INPP5F: variants seen among roughly 807,000 people sequenced by gnomAD.
The protein encoded by INPP5F is phosphatidylinositide 4-phosphatase SAC2.
INPP5F carries 97 observed loss-of-function variants against 137.2 expected under a neutral mutation model. That is an observed-to-expected ratio of 0.71 (90% confidence interval 0.60 to 0.84). INPP5F has a LOEUF of 0.84. Ranked by LOEUF, INPP5F falls within the 40% of genes least tolerant of loss-of-function variation. INPP5F has a pLI of 0.00. For synonymous variants in INPP5F, 504 were observed against 476.9 expected, an observed-to-expected ratio of 1.06 and a Z score of -0.74; for missense variants, 1,271 against 1,371.9, an observed-to-expected ratio of 0.93 and a Z score of 1.16.
At chr10:119,733,920 G>T (rs186303650) in intron 1 of INPP5F, among the ~76,000 whole-genome samples, 34 of 152,260 alleles carry the variant, frequency 2.2e-4, no homozygotes, top group Admixed American at 2.0e-3. Flanking sequence ...TGTGAAAGTT[G>T]TACTGAATGA....
chr10:119,734,602 C>T (rs1848170736), intron 1 of INPP5F, among the ~76,000 whole-genome samples: 1 of 152,146 alleles, frequency 6.6e-6, no homozygotes, highest in South Asian at 2.1e-4. Context: ...CCAAAGTTCT[C>T]AGATTACAGG....
chr10:119,759,112 C>G (rs1016484283), intron 2 of INPP5F, among the ~76,000 whole-genome samples: 1 of 152,184 alleles, frequency 6.6e-6, no homozygotes, highest in African/African-American at 2.4e-5. Context: ...ATGGGACAAG[C>G]CTTTTAGTTA....
At chr10:119,773,181 T>C (rs1849420265) in intron 2 of INPP5F, among the ~76,000 whole-genome samples, 1 of 152,158 alleles carries the variant, frequency 6.6e-6, no homozygotes, top group Non-Finnish European at 1.5e-5. Context: ...GTCAGCCTCC[T>C]GAGTAGCTGG....
chr10:119,815,202 G>C (rs1851219265), intron 15 of INPP5F: 1 of 152,306 alleles, frequency 6.6e-6, no homozygotes, highest in Non-Finnish European at 1.5e-5. Flanking sequence ...CTTCCACTGG[G>C]GGCCTCTAAG....
intron 2 of INPP5F, among the ~76,000 whole-genome samples, chr10:119,765,526 G>A (rs1849130705): frequency 6.7e-6 from 1 of 150,262 alleles, no homozygotes; most frequent in South Asian, 2.1e-4. Context: ...TGCACGCCAT[G>A]ATACCTGGCT....
At chr10:119,774,809 A>G (rs2134167671) in intron 2 of INPP5F, among the ~76,000 whole-genome samples, 1 of 152,148 alleles carries the variant, frequency 6.6e-6, no homozygotes, top group African/African-American at 2.4e-5. Context: ...GGTCTGAAAA[A>G]CTGCTAAATA....
chr10:119,761,676 A>G (rs1024739740), intron 2 of INPP5F, among the ~76,000 whole-genome samples: 11 of 152,128 alleles, frequency 7.2e-5, no homozygotes, highest in African/African-American at 2.7e-4. Context: ...ATTTAAATTC[A>G]TGCATAAATG....
intron 1 of INPP5F, among the ~76,000 whole-genome samples, chr10:119,750,560 G>A (rs1848663078): frequency 6.6e-6 from 1 of 152,222 alleles, no homozygotes; most frequent in Non-Finnish European, 1.5e-5. Flanking sequence ...GCACGTAGAA[G>A]GCACTCAAAC....
chr10:119,827,663 CTT>C lies in INPP5F; in HGVS notation c.3284_3285del (p.Phe1095CysfsTer13), dbSNP rs752869206. On this transcript the variant is annotated frameshift_variant, in exon 20 of 20. Transcript: ENST00000650623. LOFTEE classifies it high-confidence loss of function. ...AAGCTGGATTAACCCATGGGATAAACTTTGCAGTGTCAAAAGTTCAGAAGAGT... is the reference window on the plus strand; with the variant it reads ...AAGCTGGATTAACCCATGGGATAAACTGCAGTGTCAAAAGTTCAGAAGAGT... ...TQAGLTHGIN[F>X]AVSKVQKSPP... The C allele has an allele frequency of 6.2e-7, 1 of 1,614,180 alleles. No homozygotes were observed. Among genetic ancestry groups the C allele is most frequent in the South Asian group, 1.1e-5 (1 of 91,088 alleles).
At position 119,783,548 on chromosome 10, in the gene INPP5F, A is replaced by C. The variant is rs144505739; in HGVS notation, c.315+1777A>C. On this transcript the variant is annotated intron_variant, in intron 3 of 19. Coordinates refer to ENST00000650623, the MANE Select transcript of INPP5F (RefSeq NM_014937.4). ...TCAGGGAGGTGTTCTGATGTCCTTC[A>C]TGGCCACCAATCTGTAACATTTTTG... 5.6e-3 allele frequency among the ~76,000 whole-genome samples: 858 copies of C among 152,314 alleles called. 12 individuals carry two copies. Among genetic ancestry groups the C allele is most frequent in the African/African-American group, 0.02 (831 of 41,562 alleles).
chr10:119,736,300 G>A (rs939863976), intron 1 of INPP5F, among the ~76,000 whole-genome samples: 7 of 152,174 alleles, frequency 4.6e-5, no homozygotes, highest in African/African-American at 1.7e-4. Context: ...TGTAATTTAA[G>A]CTGTACTTTT....
At chr10:119,735,855 G>T (rs547010834) in intron 1 of INPP5F, among the ~76,000 whole-genome samples, 3 of 152,168 alleles carry the variant, frequency 2.0e-5, no homozygotes, top group Admixed American at 2.0e-4. Context: ...TGGGCCAGGC[G>T]CAGTGGCTCA....
chr10:119,784,607 C>T (rs187061237), intron 3 of INPP5F, among the ~76,000 whole-genome samples: 45 of 152,252 alleles, frequency 3.0e-4, no homozygotes, highest in Admixed American at 2.3e-3. Context: ...ATTTCAGAGA[C>T]GGGTATTAAT....
intron 16 of INPP5F, among the ~76,000 whole-genome samples, chr10:119,821,885 T>G (rs1851580802): frequency 8.5e-6 from 1 of 117,738 alleles, no homozygotes; most frequent in Non-Finnish European, 1.8e-5. Flanking sequence ...TTTTTTTTTT[T>G]GAGATGGAGT....
rs1564816855 is a variant in INPP5F, at chr10:119,767,129, A to AAAAAAAC, written c.179-14502_179-14501insAACAAAA. On this transcript the variant is annotated intron_variant, in intron 2 of 19. Coordinates refer to ENST00000650623, the MANE Select transcript of INPP5F (RefSeq NM_014937.4). ...CCAGAAAAAAAAAAAAAAAAAAAAA[A>AAAAAAAC]AAAACCTAGAGAGATTTTCAGGCAA... is the stretch of plus-strand genomic sequence containing the variant. 2.7e-5 allele frequency among the ~76,000 whole-genome samples: 4 copies of AAAAAAAC among 150,702 alleles called. No individual in the cohort carries two copies. In the East Asian group the frequency reaches 7.8e-4, roughly 29 times the overall value.
rs557000959 is a variant in INPP5F, at chr10:119,787,337, C to T, written c.316-4180C>T. On this transcript the variant is annotated intron_variant, in intron 3 of 19. Transcript: ENST00000650623. This position sits in a 1 kb window ranked among gnomAD's most constrained non-coding sequence, Gnocchi z 4.1. ...TGGTGGCTCAAGCCTGTAATCCCAA[C>T]ACTTTGAGAGGCCGAGGCAAGCAGA... 6.6e-6 allele frequency among the ~76,000 whole-genome samples: 1 copy of T among 152,280 alleles called. No individual in the cohort carries two copies. Among genetic ancestry groups the T allele is most frequent in the Admixed American group, 6.5e-5 (1 of 15,292 alleles).
At chr10:119,757,652 A>G (rs1030540633) in intron 2 of INPP5F, among the ~76,000 whole-genome samples, 1 of 151,660 alleles carries the variant, frequency 6.6e-6, no homozygotes, top group African/African-American at 2.4e-5. Context: ...TTAGCTGGAC[A>G]CTGTGGCATG....
At chr10:119,795,278 G>A (rs1296885203) in intron 6 of INPP5F, among the ~76,000 whole-genome samples, 1 of 151,918 alleles carries the variant, frequency 6.6e-6, no homozygotes, top group Admixed American at 6.5e-5. Context: ...CCTCCCTCGC[G>A]GACGAGGTGG....
intron 2 of INPP5F, among the ~76,000 whole-genome samples, chr10:119,765,429 TG>T (rs1204641779): frequency 6.6e-6 from 1 of 152,054 alleles, no homozygotes; most frequent in Non-Finnish European, 1.5e-5. Context: ...TGGAGTGAAG[TG>T]GCGTGATCTC....
Sources: gnomAD v4.1 joint callset for allele counts (sites outside exome capture counted in the v4.1 genomes callset) on GRCh38, gnomAD v4.1.1 for gene constraint, Gnocchi (gnomAD v3.1) non-coding constraint, MANE v1.5 for transcripts, NCBI Gene and HGNC (gene_info 2026-07-23, HGNC 2026-07-21) for gene names.